CHCHD3: variants seen among roughly 807,000 people sequenced by gnomAD.
CHCHD3 encodes coiled-coil-helix-coiled-coil-helix domain containing 3.
Under a neutral mutation model 38.2 loss-of-function variants are expected in CHCHD3, and 20 were observed. The ratio of observed to expected loss-of-function variants is 0.52; its 90% CI spans 0.37 to 0.76. The LOEUF (loss-of-function observed/expected upper bound fraction) is 0.76, where lower values mean the gene tolerates loss of function less well. Among genes scored for constraint, CHCHD3 ranks in the 30% least tolerant of loss-of-function variants. The pLI, the probability that CHCHD3 is intolerant of heterozygous loss-of-function variation, is 0.00. For missense variants in CHCHD3, 245 were observed against 279.2 expected (o/e 0.88, Z 0.87); for synonymous variants, 82 against 100.0 (o/e 0.82, Z 1.07).
intron 3 of CHCHD3, among the ~76,000 whole-genome samples, chr7:133,017,974 A>C (rs915129654): frequency 6.6e-6 from 1 of 152,208 alleles, no homozygotes; most frequent in Non-Finnish European, 1.5e-5. Context: ...TCCAGTGAAA[A>C]ATACTGGGTG....
chr7:132,888,592 A>G (rs1228914092), intron 4 of CHCHD3, among the ~76,000 whole-genome samples: 1 of 152,004 alleles, frequency 6.6e-6, no homozygotes, highest in Non-Finnish European at 1.5e-5. Context: ...ATATTAAAAT[A>G]TAAGAGTATT....
intron 3 of CHCHD3, among the ~76,000 whole-genome samples, chr7:133,020,231 G>A (rs1398267253): frequency 1.3e-5 from 2 of 152,092 alleles, no homozygotes; most frequent in East Asian, 3.9e-4. Flanking sequence ...TAAATGTTTT[G>A]TAAAAATGAA....
chr7:132,872,186 T>G (rs1448714021), intron 5 of CHCHD3, among the ~76,000 whole-genome samples: 3 of 152,166 alleles, frequency 2.0e-5, no homozygotes. Flanking sequence ...AGTTCTAGGA[T>G]AGGAGAAACA....
Position 132,903,616 on chromosome 7 carries a change from A to G in CHCHD3, c.370-17871T>C, listed in dbSNP as rs534482287. 2.0e-5 allele frequency among the ~76,000 whole-genome samples: 3 copies of G among 152,292 alleles called. No individual in the cohort carries two copies. The South Asian group carries it at 6.2e-4, about 32-fold the overall frequency. ...CAACAACAACAACAAAAACAACCTC[A>G]TAATTCTCGTTTGGTCTTGCCTTCT... is the stretch of plus-strand genomic sequence containing the variant. On this transcript the variant is annotated intron_variant, in intron 4 of 7. Coordinates refer to ENST00000262570, the MANE Select transcript of CHCHD3 (RefSeq NM_017812.4).
chr7:132,916,639 G>A (rs1420569768), intron 4 of CHCHD3, among the ~76,000 whole-genome samples: 1 of 152,164 alleles, frequency 6.6e-6, no homozygotes, highest in Non-Finnish European at 1.5e-5. Context: ...GGAATGCAGT[G>A]GTGGAATCAT....
intron 4 of CHCHD3, among the ~76,000 whole-genome samples, chr7:132,968,809 A>G (rs904201130): frequency 6.6e-6 from 1 of 152,210 alleles, no homozygotes; most frequent in African/African-American, 2.4e-5. Context: ...GATCATTTCA[A>G]AATTACAACC....
chr7:133,025,265 T>C (rs1037939504), intron 2 of CHCHD3, among the ~76,000 whole-genome samples: 3 of 152,150 alleles, frequency 2.0e-5, no homozygotes, highest in African/African-American at 7.2e-5. Flanking sequence ...ATTTGAAACA[T>C]CTGGTCTTTC....
At chr7:133,018,974 C>T (rs552555975) in intron 3 of CHCHD3, among the ~76,000 whole-genome samples, 1 of 150,508 alleles carries the variant, frequency 6.6e-6, no homozygotes, top group Admixed American at 6.7e-5. Flanking sequence ...ACCTCCACCT[C>T]CCGGGTTCAA....
intron 2 of CHCHD3, among the ~76,000 whole-genome samples, chr7:133,051,454 T>G (rs1254772137): frequency 6.6e-6 from 1 of 152,212 alleles, no homozygotes; most frequent in Admixed American, 6.5e-5. Context: ...GTGCTTTTTT[T>G]AAACCTAGAA....
chr7:132,985,111 G>A lies in CHCHD3; in HGVS notation c.252-9825C>T, dbSNP rs551503534. ...CCCCGTCCGGCCAGCCGCCCCATCC[G>A]GGAGGTGAGGGGCGCCTCTGCCCGG... On this transcript the variant is annotated intron_variant, in intron 3 of 7. Transcript: ENST00000262570. 6.3e-3 allele frequency among the ~76,000 whole-genome samples: 586 copies of A among 92,746 alleles called. 83 individuals are homozygous for A. Among genetic ancestry groups the A allele is most frequent in the African/African-American group, 0.022 (527 of 24,326 alleles). 60.8% of individuals were successfully genotyped at this position (92,746 alleles called of 152,430 possible). A position where few individuals can be genotyped will look rare whatever the true frequency, so the allele number is the denominator to read the frequency against.
At chr7:132,929,475 T>C (rs978159208) in intron 4 of CHCHD3, among the ~76,000 whole-genome samples, 1 of 152,178 alleles carries the variant, frequency 6.6e-6, no homozygotes, top group African/African-American at 2.4e-5. Context: ...ATACTATTTC[T>C]TGGCAATCTC....
At chr7:132,925,491 C>T (rs1810351853) in intron 4 of CHCHD3, among the ~76,000 whole-genome samples, 1 of 152,196 alleles carries the variant, frequency 6.6e-6, no homozygotes, top group Non-Finnish European at 1.5e-5. Flanking sequence ...GTTAAAATTG[C>T]ACTTAATTAA....
intron 6 of CHCHD3, among the ~76,000 whole-genome samples, chr7:132,825,161 A>T (rs959204148): frequency 1.3e-5 from 2 of 152,246 alleles, no homozygotes; most frequent in African/African-American, 4.8e-5. Flanking sequence ...AACATGGAAC[A>T]TCAAAGAGAC....
intron 4 of CHCHD3, among the ~76,000 whole-genome samples, chr7:132,915,383 A>AG: frequency 6.6e-6 from 1 of 152,118 alleles, no homozygotes; most frequent in East Asian, 1.9e-4. Flanking sequence ...TGGCATGTGG[A>AG]GGGCAGATGA....
At chr7:132,892,053 C>A (rs61080459) in intron 4 of CHCHD3, among the ~76,000 whole-genome samples, 5,341 of 152,208 alleles carry the variant, frequency 0.035, 301 homozygotes, top group African/African-American at 0.12. Context: ...TGAAATAATA[C>A]AGTTAACTGG....
At chr7:132,904,018 G>C (rs1809732802) in intron 4 of CHCHD3, among the ~76,000 whole-genome samples, 1 of 152,094 alleles carries the variant, frequency 6.6e-6, no homozygotes, top group South Asian at 2.1e-4. Context: ...CCAGCATTTT[G>C]GGAGGCTGAG....
intron 6 of CHCHD3, among the ~76,000 whole-genome samples, chr7:132,806,345 AG>A (rs1806920098): frequency 6.6e-6 from 1 of 152,218 alleles, no homozygotes; most frequent in African/African-American, 2.4e-5. Flanking sequence ...TGGCAGGATG[AG>A]GTCAATTCCA....
chr7:133,036,013 A>C (rs763510603), intron 2 of CHCHD3: 1 of 819,338 alleles, frequency 1.2e-6, no homozygotes, highest in South Asian at 1.4e-5. Context: ...TAGTAATTAG[A>C]ATACCAACTT....
chr7:133,061,089 T>C (rs1364614885), intron 2 of CHCHD3, among the ~76,000 whole-genome samples: 4 of 152,042 alleles, frequency 2.6e-5, no homozygotes, highest in Non-Finnish European at 4.4e-5. Context: ...AGATGGATTG[T>C]ACAGGACCTT....
Sources: allele counts gnomAD v4.1 joint callset (sites outside exome capture counted in the v4.1 genomes callset), GRCh38; gene constraint gnomAD v4.1.1; transcripts MANE v1.5; gene names NCBI Gene and HGNC (gene_info 2026-07-23, HGNC 2026-07-21).